Variants in RPN1 observed in about 807,000 individuals in gnomAD.
RPN1 encodes the protein ribophorin I.
In RPN1, 12 loss-of-function variants were observed where a neutral mutation model predicts 55.5. The observed-to-expected ratio is 0.22, with a 90% CI of 0.14 to 0.35. The LOEUF (loss-of-function observed/expected upper bound fraction) is 0.35, where lower values mean the gene tolerates loss of function less well. RPN1 is among the 10% of genes least tolerant of loss of function. RPN1 has a pLI of 1.00. For missense variants in RPN1, 679 were observed against 761.3 expected (o/e 0.89, Z 1.27); for synonymous variants, 317 against 305.9 (o/e 1.04, Z -0.38).
Position 128,620,254 on chromosome 3 carries a change from C to G in RPN1, c.*157G>C. The G allele has an allele frequency of 2.1e-6, 1 of 467,330 alleles. No individual in the cohort carries two copies. Among genetic ancestry groups the G allele is most frequent in the Non-Finnish European group, 3.6e-6 (1 of 281,168 alleles). The allele number at this position is 467,330 out of a possible 1,614,324, so 28.9% of individuals were successfully genotyped here. A position where few individuals can be genotyped will look rare whatever the true frequency, so the allele number is the denominator to read the frequency against. On this transcript the variant is annotated 3_prime_UTR_variant, in exon 10 of 10. Transcript: ENST00000296255. Reference sequence around the variant, plus strand: ...GAAAGTTAAGGACAAACGGCAAACTCACACTGCCTGACGCAGGGCCTGGTT... The same window carrying G: ...GAAAGTTAAGGACAAACGGCAAACTGACACTGCCTGACGCAGGGCCTGGTT...
intron 9 of RPN1, among the ~76,000 whole-genome samples, chr3:128,621,130 A>T (rs535427279): frequency 1.3e-5 from 2 of 152,350 alleles, no homozygotes; most frequent in Admixed American, 1.3e-4. Context: ...AGGTTCCAGA[A>T]AACAGCACTA....
rs2069630480 is a variant in RPN1, at chr3:128,630,075, G to A, written c.912C>T (p.His304=). Residue 304 remains histidine (H), a synonymous_variant, in exon 5 of 10, where the codon CAC becomes CAT. Coordinates refer to ENST00000296255, the MANE Select transcript of RPN1 (RefSeq NM_002950.4). ...RDEIGNVSTS[H]LLILDDSVEM... ...CTACAGAGTCATCCAAAATAAGGAG[G>A]TGGCTGGTAGAAACATTGCCAATCT... The A allele has an allele frequency of 1.2e-6, 2 of 1,613,350 alleles. No homozygotes were observed. Among genetic ancestry groups the A allele is most frequent in the African/African-American group, 1.3e-5 (1 of 75,018 alleles).
At chr3:128,647,352 T>G (rs2069776235) in intron 1 of RPN1, among the ~76,000 whole-genome samples, 1 of 152,136 alleles carries the variant, frequency 6.6e-6, no homozygotes, top group African/African-American at 2.4e-5. Context: ...AGCTGTACAG[T>G]CTAATACAAA....
intron 3 of RPN1, among the ~76,000 whole-genome samples, chr3:128,633,182 G>A (rs1373066579): frequency 2.6e-5 from 4 of 151,296 alleles, no homozygotes; most frequent in Admixed American, 2.6e-4. Context: ...TAAATCTTTT[G>A]AAAAACTACT....
chr3:128,634,841 C>A (rs2069665495), intron 3 of RPN1, among the ~76,000 whole-genome samples: 1 of 152,020 alleles, frequency 6.6e-6, no homozygotes. Context: ...GGTTACAGAC[C>A]TGAGCCACCG....
chr3:128,630,223 G>A lies in RPN1; in HGVS notation c.844-80C>T. The stretch of plus-strand genomic sequence containing the variant: ...TGATCCTAAACACAGAAGACTTCCT[G>A]CACCAAGATCCTCACATGGTACTAC... On this transcript the variant is annotated intron_variant, in intron 4 of 9. Transcript: ENST00000296255. 3.3e-6 allele frequency: 3 copies of A among 900,656 alleles called. 1 individual carries two copies. The South Asian group carries it at 5.4e-5, about 16-fold the overall frequency. 55.8% of individuals were successfully genotyped at this position (900,656 alleles called of 1,614,324 possible).
At chr3:128,624,851 G>A (rs957424403) in intron 8 of RPN1, among the ~76,000 whole-genome samples, 4 of 151,792 alleles carry the variant, frequency 2.6e-5, no homozygotes, top group Non-Finnish European at 4.4e-5. Context: ...AAAAACACAC[G>A]CTGTGCCTGT....
chr3:128,644,546 C>T, intron 2 of RPN1: 2 of 442,404 alleles, frequency 4.5e-6, no homozygotes, highest in South Asian at 3.4e-5. Context: ...TCTAGTCCCA[C>T]CTATTTGGGA....
intron 4 of RPN1, among the ~76,000 whole-genome samples, chr3:128,630,464 T>C (rs1180992564): frequency 6.6e-6 from 1 of 152,168 alleles, no homozygotes; most frequent in Non-Finnish European, 1.5e-5. Flanking sequence ...AAAGTAAAGA[T>C]AGAAGACGGA....
At chr3:128,634,422 A>T (rs1170099348) in intron 3 of RPN1, among the ~76,000 whole-genome samples, 2 of 152,150 alleles carry the variant, frequency 1.3e-5, no homozygotes, top group African/African-American at 4.8e-5. Context: ...AATACTTTAT[A>T]CATAATATGA....
intron 2 of RPN1, chr3:128,644,397 T>A (rs1351850329): frequency 7.0e-6 from 2 of 286,192 alleles, no homozygotes; most frequent in Non-Finnish European, 1.4e-5. Context: ...ACGCCTATAA[T>A]CCTAGGACTC....
chr3:128,631,141 C>T (rs1357804812), intron 4 of RPN1, among the ~76,000 whole-genome samples: 1 of 149,462 alleles, frequency 6.7e-6, no homozygotes, highest in African/African-American at 2.5e-5. Context: ...ATGGTTTAGG[C>T]TGGGCATGGT....
intron 8 of RPN1, among the ~76,000 whole-genome samples, 185 bp downstream of exon 8, chr3:128,625,349 C>G (rs180914662): frequency 1.8e-4 from 28 of 152,276 alleles, no homozygotes; most frequent in Admixed American, 6.5e-4. Flanking sequence ...GAAGCAGGGA[C>G]TTAACCTCCT....
intron 2 of RPN1, among the ~76,000 whole-genome samples, chr3:128,644,134 CATAG>C (rs1465997724): frequency 2.6e-5 from 4 of 152,096 alleles, no homozygotes; most frequent in Non-Finnish European, 5.9e-5. Context: ...GGTAGCCAAT[CATAG>C]ATAGGAGAAT....
chr3:128,625,463 G>C, intron 8 of RPN1, 71 bp downstream of exon 8: 1 of 1,610,038 alleles, frequency 6.2e-7, no homozygotes, highest in South Asian at 1.1e-5. Context: ...TCACTGTGAG[G>C]ATCAGTGCTC....
chr3:128,640,465 T>C (rs2069716682), intron 2 of RPN1, among the ~76,000 whole-genome samples: 3 of 152,206 alleles, frequency 2.0e-5, no homozygotes, highest in African/African-American at 7.2e-5. Context: ...AGTAGCGGAA[T>C]CTTCTCCTCA....
chr3:128,644,797 A>G (rs1478515663), intron 2 of RPN1, 122 bp downstream of exon 2: 4 of 671,488 alleles, frequency 6.0e-6, no homozygotes, highest in Non-Finnish European at 1.1e-5. Flanking sequence ...CCTCTCTACA[A>G]AAAAAAAACC....
At chr3:128,645,370 T>G (rs2107722108) in intron 1 of RPN1, among the ~76,000 whole-genome samples, 1 of 151,976 alleles carries the variant, frequency 6.6e-6, no homozygotes, top group African/African-American at 2.4e-5. Flanking sequence ...CTCGGGAGGC[T>G]GAGGCAGGAG....
Position 128,620,206 on chromosome 3 carries a change from C to CTT in RPN1, c.*203_*204dup, listed in dbSNP as rs113501658. On this transcript the variant is annotated 3_prime_UTR_variant, in exon 10 of 10. Coordinates refer to ENST00000296255, the MANE Select transcript of RPN1 (RefSeq NM_002950.4). ...TTAATGGGAGTTTTTTTAAAGTTTT[C>CTT]TTTTTTTAAAAAAAAAAAAAAAGAA... 8 of 361,650 alleles carry CTT rather than the reference C, an allele frequency of 2.2e-5. No homozygotes were observed. Among genetic ancestry groups the CTT allele is most frequent in the African/African-American group, 1.5e-4 (7 of 45,424 alleles). 22.4% of individuals were successfully genotyped at this position (361,650 alleles called of 1,614,324 possible). A position where few individuals can be genotyped will look rare whatever the true frequency, so the allele number is the denominator to read the frequency against.
Sources: allele counts gnomAD v4.1 joint callset (sites outside exome capture counted in the v4.1 genomes callset), GRCh38; gene constraint gnomAD v4.1.1; transcripts MANE v1.5; gene names NCBI Gene and HGNC (gene_info 2026-07-23, HGNC 2026-07-21).